ARGFX: variants seen among roughly 807,000 people sequenced by gnomAD.
ARGFX encodes arginine-fifty homeobox.
A neutral mutation model predicts 8.0 loss-of-function variants in ARGFX; 10 were observed. The ratio of observed to expected loss-of-function variants is 1.25; its 90% CI spans 0.77 to 2.12. The LOEUF (loss-of-function observed/expected upper bound fraction) is 2.12, where lower values mean the gene tolerates loss of function less well. Ranked by LOEUF, ARGFX falls within the 30% of genes most tolerant of loss-of-function variation. ARGFX has a pLI of 0.00. For missense variants in ARGFX, 282 were observed against 324.3 expected (o/e 0.87, Z 1.00); for synonymous variants, 116 against 117.8 (o/e 0.98, Z 0.10).
Position 121,588,887 on chromosome 3 carries a change from G to A in ARGFX, c.*2287G>A, listed in dbSNP as rs1184694218. Among the ~76,000 whole-genome samples, 1 of 152,112 alleles carries A rather than the reference G, an allele frequency of 6.6e-6. No homozygotes were observed. Among genetic ancestry groups the A allele is most frequent in the Non-Finnish European group, 1.5e-5 (1 of 68,022 alleles). On this transcript the variant is annotated 3_prime_UTR_variant, in exon 5 of 5. Coordinates refer to ENST00000334384, the MANE Select transcript of ARGFX (RefSeq NM_001012659.2). The stretch of plus-strand genomic sequence containing the variant: ...GTGTGTTCTCCAAACATGATGGAAC[G>A]AAATTAGAAATCAATAAAATTTGGG...
In ARGFX at chr3:121,586,599, G is replaced by C; in HGVS notation, c.947G>C (p.Ter316SerextTer4). 3 of 1,609,612 alleles carry C rather than the reference G, an allele frequency of 1.9e-6. No individual in the cohort carries two copies. The highest frequency in any genetic ancestry group is 2.5e-6 in the Non-Finnish European group (3 of 1,177,598). The part of the protein sequence containing the change: ...TSNMVDLGFL[*>S] ...AATATGGTAGACTTGGGATTTCTCTGACCAGAGTACTAATAAATATAGATC... is the reference window on the plus strand; with the variant it reads ...AATATGGTAGACTTGGGATTTCTCTCACCAGAGTACTAATAAATATAGATC... The change falls in exon 5 of 5, where the codon TGA becomes TCA. Residue 316 changes from the stop codon to serine, a stop_lost. Transcript: ENST00000334384.
rs1396046390 is a variant in ARGFX, at chr3:121,576,706, TTTTTCTTTCTTTCTTTCTTTC to T, written c.104-74_104-54del. The T allele has an allele frequency of 4.6e-4, 82 of 179,964 alleles. 1 individual carries two copies. The highest frequency in any genetic ancestry group is 6.9e-4 in the Non-Finnish European group (76 of 110,046). 11.1% of individuals were successfully genotyped at this position (179,964 alleles called of 1,614,324 possible). On this transcript the variant is annotated intron_variant, in intron 2 of 4. Coordinates refer to ENST00000334384, the MANE Select transcript of ARGFX (RefSeq NM_001012659.2). ...CTTTTTCTTTCTTTCTCTTTCTTTC[TTTTTCTTTCTTTCTTTCTTTC>T]TTTCTTTCTTTCTTTCTTTTTCTCT...
At position 121,568,440 on chromosome 3, in the gene ARGFX, G is replaced by A. The variant is rs1345988761; in HGVS notation, c.-13+427G>A. Among the ~76,000 whole-genome samples the A allele has an allele frequency of 1.4e-4, 21 of 152,208 alleles. 1 individual carries two copies. The highest frequency in any genetic ancestry group is 1.4e-3 in the Admixed American group (21 of 15,268). On this transcript the variant is annotated intron_variant, in intron 1 of 4. Coordinates refer to ENST00000334384, the MANE Select transcript of ARGFX (RefSeq NM_001012659.2). ...CTGAGTAAATGTGGTTCTGCTAGTG[G>A]CAATTCTGCCTTATGCTCTTGATAG... is the stretch of plus-strand genomic sequence containing the variant.
chr3:121,577,249 ATATATATATATT>A (rs1394585135), intron 3 of ARGFX, among the ~76,000 whole-genome samples: 3 of 49,144 alleles, frequency 6.1e-5, no homozygotes, highest in Non-Finnish European at 1.2e-4. Flanking sequence ...ATATATATAT[ATATATATATATT>A]TTTTTTTTTT....
intron 3 of ARGFX, among the ~76,000 whole-genome samples, chr3:121,577,254 TATA>T (rs1239731352): frequency 8.3e-4 from 46 of 55,220 alleles, no homozygotes; most frequent in African/African-American, 2.4e-3. Flanking sequence ...TATATATATA[TATA>T]TATTTTTTTT....
At chr3:121,577,316 T>C (rs904502033) in intron 3 of ARGFX, among the ~76,000 whole-genome samples, 2 of 145,144 alleles carry the variant, frequency 1.4e-5, no homozygotes, top group Non-Finnish European at 3.0e-5. Flanking sequence ...TGCAGTGGCG[T>C]GGTCTTGGCT....
In ARGFX at chr3:121,584,204, GAGGAAGGAAGGAAGGAAGGA is replaced by G. The variant is rs749567796; in HGVS notation, c.221-667_221-648del. On this transcript the variant is annotated intron_variant, in intron 3 of 4. Coordinates refer to ENST00000334384, the MANE Select transcript of ARGFX (RefSeq NM_001012659.2). ...AAAAAAAGAGAGAGAGACAGAGAGAGAGGAAGGAAGGAAGGAAGGAAGGAAGGAAGGAAGGAAGGAAGGAA... is the reference window on the plus strand; with the variant it reads ...AAAAAAAGAGAGAGAGACAGAGAGAGAGGAAGGAAGGAAGGAAGGAAGGAA... Among the ~76,000 whole-genome samples the G allele has an allele frequency of 3.6e-3, 371 of 104,310 alleles. 2 individuals carry two copies. The highest frequency in any genetic ancestry group is 9.5e-3 in the African/African-American group (232 of 24,492). The allele number at this position is 104,310 out of a possible 152,430, so 68.4% of individuals were successfully genotyped here. A position where few individuals can be genotyped will look rare whatever the true frequency, so the allele number is the denominator to read the frequency against.
chr3:121,573,848 CAAAAAAA>C (rs35593006), intron 2 of ARGFX, among the ~76,000 whole-genome samples: 32 of 59,036 alleles, frequency 5.4e-4, no homozygotes, highest in Admixed American at 1.3e-3. Flanking sequence ...AACTCCATCT[CAAAAAAA>C]AAAAAAAAAA....
In ARGFX at chr3:121,588,311, CAAAAAA is replaced by C. The variant is rs756800220; in HGVS notation, c.*1726_*1731del. On this transcript the variant is annotated 3_prime_UTR_variant, in exon 5 of 5. Transcript: ENST00000334384. ...TGAAATCCCGTCTCTACTAAAAATA[CAAAAAA>C]AAAAAAAAAAAAAAGCCAGGCATGG... 1.9e-5 allele frequency among the ~76,000 whole-genome samples: 1 copy of C among 51,486 alleles called. No homozygotes were observed. The highest frequency in any genetic ancestry group is 5.6e-5 in the African/African-American group (1 of 17,858). The allele number at this position is 51,486 out of a possible 152,430, so 33.8% of individuals were successfully genotyped here.
At chr3:121,573,384 G>A (rs762024502) in intron 2 of ARGFX, among the ~76,000 whole-genome samples, 89 of 152,000 alleles carry the variant, frequency 5.9e-4, no homozygotes, top group Admixed American at 1.2e-3. Flanking sequence ...GGGAGGCTGC[G>A]GTGGGAGAAT....
intron 2 of ARGFX, among the ~76,000 whole-genome samples, chr3:121,574,881 G>T (rs1457421899): frequency 6.6e-6 from 1 of 152,216 alleles, no homozygotes; most frequent in Non-Finnish European, 1.5e-5. Flanking sequence ...AATAGAGGCT[G>T]CAGGAACATG....
chr3:121,585,064 A>C lies in ARGFX; in HGVS notation c.368A>C (p.Lys123Thr), dbSNP rs2048803180. 1 of 1,613,756 alleles carries C rather than the reference A, an allele frequency of 6.2e-7. No individual in the cohort carries two copies. Among genetic ancestry groups the C allele is most frequent in the Admixed American group, 1.7e-5 (1 of 59,988 alleles). ...CTCGACCTACCGGAGTCAACAGTAA[A>C]GGTCTGATCCCCTGTGGTGTGCTTG... ...LRLDLPESTV[K>T]VWFRNRRFKL... The change falls in exon 4 of 5, where the codon AAG (lysine) becomes ACG (threonine). Residue 123 changes from lysine (K) to threonine (T), a missense_variant and splice_region_variant. Physicochemically the swap from Lys to Thr is moderately conservative, Grantham distance 78 (BLOSUM62 -1). Coordinates refer to ENST00000334384, the MANE Select transcript of ARGFX (RefSeq NM_001012659.2).
Position 121,590,555 on chromosome 3 carries a change from C to T in ARGFX, c.*3955C>T, listed in dbSNP as rs905979221. 7.2e-5 allele frequency among the ~76,000 whole-genome samples: 11 copies of T among 152,054 alleles called. No individual in the cohort carries two copies. Among genetic ancestry groups the T allele is most frequent in the African/African-American group, 2.7e-4 (11 of 41,372 alleles). On this transcript the variant is annotated 3_prime_UTR_variant, in exon 5 of 5. Transcript: ENST00000334384. ...AAGGCCCTGGCCAGGTGTGGCCCCT[C>T]CATCTTCCGTCTGAGACTGGAAGAC...
rs561834778 is a variant in ARGFX, at chr3:121,587,486, C to G, written c.*886C>G. 4.6e-5 allele frequency among the ~76,000 whole-genome samples: 7 copies of G among 152,156 alleles called. No individual in the cohort carries two copies. In the South Asian group the frequency reaches 1.4e-3, roughly 32 times the overall value. ...TACAGGAGTGCACCATCGCACCCGG[C>G]TGGGTTATCTAGTTTAAAAACACTT... On this transcript the variant is annotated 3_prime_UTR_variant, in exon 5 of 5. Coordinates refer to ENST00000334384, the MANE Select transcript of ARGFX (RefSeq NM_001012659.2).
intron 3 of ARGFX, among the ~76,000 whole-genome samples, chr3:121,579,959 T>C (rs1218880763): frequency 1.4e-5 from 2 of 139,002 alleles, no homozygotes; most frequent in Non-Finnish European, 3.1e-5. Flanking sequence ...TTTTTTTTTT[T>C]TTTTTTTTTT....
In ARGFX at chr3:121,588,564, T is replaced by G. The variant is rs540811346; in HGVS notation, c.*1964T>G. On this transcript the variant is annotated 3_prime_UTR_variant, in exon 5 of 5. Coordinates refer to ENST00000334384, the MANE Select transcript of ARGFX (RefSeq NM_001012659.2). The stretch of plus-strand genomic sequence containing the variant: ...TGAAAAATGTAAAAGTACCTAGAAA[T>G]TCACAAAAAAATTAATACCTCTGTG... 1.1e-4 allele frequency among the ~76,000 whole-genome samples: 17 copies of G among 151,096 alleles called. No homozygotes were observed. Among genetic ancestry groups the G allele is most frequent in the African/African-American group, 3.9e-4 (16 of 41,346 alleles).
At chr3:121,579,945 CTTTTTTTTTTT>C (rs1174620508) in intron 3 of ARGFX, among the ~76,000 whole-genome samples, 12 of 91,586 alleles carry the variant, frequency 1.3e-4, no homozygotes, top group Non-Finnish European at 1.7e-4. Context: ...CTTTTCTTTT[CTTTTTTTTTTT>C]TTTTTTTTTT....
rs995388014 is a variant in ARGFX at position 121,576,916 on chromosome 3, C to A, written c.220+16C>A. On this transcript the variant is annotated intron_variant, in intron 3 of 4. Transcript: ENST00000334384. ...GCGACTACAGGTGCGTGCCACTACA[C>A]CCTCTTTTGTAGAGACGAGATTTCA... 6 of 315,420 alleles carry A rather than the reference C, an allele frequency of 1.9e-5. No homozygotes were observed. Among genetic ancestry groups the A allele is most frequent in the Non-Finnish European group, 3.1e-5 (5 of 162,002 alleles). The allele number at this position is 315,420 out of a possible 1,614,324, so 19.5% of individuals were successfully genotyped here.
At chr3:121,572,230 A>G (rs919425168) in intron 2 of ARGFX, among the ~76,000 whole-genome samples, 1 of 93,482 alleles carries the variant, frequency 1.1e-5, no homozygotes, top group Admixed American at 1.3e-4. Context: ...TTTTATTATT[A>G]TTGTTGTTTT....
Sources: gnomAD v4.1 joint callset for allele counts (sites outside exome capture counted in the v4.1 genomes callset) on GRCh38, gnomAD v4.1.1 for gene constraint, MANE v1.5 for transcripts, NCBI Gene and HGNC (gene_info 2026-07-23, HGNC 2026-07-21) for gene names.